The following ASTN2 variants were observed in gnomAD, a reference collection of about 807,000 sequenced individuals.
ASTN2 encodes the protein astrotactin 2.
A neutral mutation model predicts 139.8 loss-of-function variants in ASTN2; 54 were observed. That is an observed-to-expected ratio of 0.39 (90% CI 0.31 to 0.48). ASTN2 has a LOEUF of 0.48. Among genes scored for constraint, ASTN2 ranks in the 20% least tolerant of loss-of-function variants. The probability of loss-of-function intolerance (pLI) is 0.95; values close to 1 mark genes in which losing one functional copy is unlikely to be tolerated. For synonymous variants in ASTN2, 756 were observed against 719.5 expected (o/e 1.05, Z -0.81); for missense variants, 1,565 against 1,725.1 (o/e 0.91, Z 1.64).
At chr9:116,859,698 T>G (rs1276682724) in intron 11 of ASTN2, among the ~76,000 whole-genome samples, 2 of 151,954 alleles carry the variant, frequency 1.3e-5, no homozygotes, top group East Asian at 3.9e-4. Flanking sequence ...CGCCCATGAG[T>G]GTATGAAGGG....
At chr9:117,376,386 C>A (rs992009398) in intron 1 of ASTN2, among the ~76,000 whole-genome samples, 1 of 152,270 alleles carries the variant, frequency 6.6e-6, no homozygotes, top group East Asian at 1.9e-4. Context: ...ACAGATAAAC[C>A]ATTTGGCACT....
intron 4 of ASTN2, among the ~76,000 whole-genome samples, chr9:117,137,201 T>C (rs533749164): frequency 2.0e-5 from 3 of 152,192 alleles, no homozygotes; most frequent in African/African-American, 7.2e-5. Flanking sequence ...AATGATGCAC[T>C]TCAGCCTCCA....
intron 1 of ASTN2, among the ~76,000 whole-genome samples, chr9:117,395,888 G>A (rs372911837): frequency 1.3e-5 from 2 of 152,222 alleles, no homozygotes; most frequent in African/African-American, 2.4e-5. Context: ...GAAAGCTACT[G>A]CTGAACAACA....
chr9:116,965,545 T>G (rs1309368024), intron 10 of ASTN2, among the ~76,000 whole-genome samples: 1 of 152,172 alleles, frequency 6.6e-6, no homozygotes, highest in Admixed American at 6.5e-5. Flanking sequence ...AGAAAGTGGT[T>G]GTACAATAGA....
chr9:116,462,422 C>T (rs2118971376), intron 20 of ASTN2, among the ~76,000 whole-genome samples: 1 of 152,314 alleles, frequency 6.6e-6, no homozygotes, highest in East Asian at 1.9e-4. Flanking sequence ...TGCCATGCTA[C>T]ATCTCAATTC....
At chr9:117,365,313 A>AAGAG (rs1310816841) in intron 1 of ASTN2, among the ~76,000 whole-genome samples, 143 of 148,156 alleles carry the variant, frequency 9.7e-4, no homozygotes, top group East Asian at 2.8e-3. Context: ...GAAAGAAAGA[A>AAGAG]AAAGAAAGAA....
intron 10 of ASTN2, among the ~76,000 whole-genome samples, chr9:116,876,824 T>A (rs1379670248): frequency 6.6e-6 from 1 of 152,200 alleles, no homozygotes; most frequent in Non-Finnish European, 1.5e-5. Flanking sequence ...AACTATAGAG[T>A]AAAAAATAAC....
intron 4 of ASTN2, among the ~76,000 whole-genome samples, chr9:117,123,349 C>T (rs949322341): frequency 6.6e-6 from 1 of 151,996 alleles, no homozygotes; most frequent in Non-Finnish European, 1.5e-5. Flanking sequence ...AGTTAAGAGA[C>T]TGGACTTTGG....
At chr9:116,839,295 G>A (rs971579263) in intron 11 of ASTN2, among the ~76,000 whole-genome samples, 4 of 152,106 alleles carry the variant, frequency 2.6e-5, no homozygotes, top group Admixed American at 2.0e-4. Context: ...CTACAGGCAT[G>A]TGCCATCATG....
intron 2 of ASTN2, among the ~76,000 whole-genome samples, chr9:117,271,894 G>T (rs536608545): frequency 6.6e-6 from 1 of 152,190 alleles, no homozygotes; most frequent in Non-Finnish European, 1.5e-5. Flanking sequence ...GGCTGCCATT[G>T]AGTGTCTGCA....
chr9:116,776,457 C>T (rs191176926), intron 13 of ASTN2, among the ~76,000 whole-genome samples: 96 of 152,296 alleles, frequency 6.3e-4, no homozygotes, highest in Admixed American at 9.1e-4. Flanking sequence ...AACACCTGAG[C>T]AGAGAAGCCA....
At chr9:116,560,571 T>C (rs1852853401) in intron 19 of ASTN2, among the ~76,000 whole-genome samples, 1 of 152,156 alleles carries the variant, frequency 6.6e-6, no homozygotes, top group South Asian at 2.1e-4. Flanking sequence ...CAGCCTCAAG[T>C]CTTTAGCACA....
intron 1 of ASTN2, among the ~76,000 whole-genome samples, chr9:117,360,075 C>T (rs980498424): frequency 7.2e-5 from 11 of 152,050 alleles, no homozygotes; most frequent in Non-Finnish European, 4.4e-5. Context: ...GACTCTGACC[C>T]CTAGTGTGTG....
chr9:116,734,453 T>A (rs1297550268), intron 13 of ASTN2, among the ~76,000 whole-genome samples: 1 of 152,066 alleles, frequency 6.6e-6, no homozygotes, highest in Non-Finnish European at 1.5e-5. Context: ...AGCAGAAAAC[T>A]TGGCAGCCAG....
At chr9:117,145,178 G>C (rs1830166969) in intron 3 of ASTN2, among the ~76,000 whole-genome samples, 1 of 152,168 alleles carries the variant, frequency 6.6e-6, no homozygotes, top group African/African-American at 2.4e-5. Context: ...ATGCTGGGTA[G>C]ACAGTGAGTT....
intron 17 of ASTN2, among the ~76,000 whole-genome samples, chr9:116,639,065 T>C (rs803922): frequency 0.43 from 64,728 of 152,068 alleles, 14,403 homozygotes; most frequent in Admixed American, 0.52. Context: ...AACTAGAAGA[T>C]GATAGGTACA....
intron 1 of ASTN2, among the ~76,000 whole-genome samples, chr9:117,305,454 A>G (rs934054207): frequency 1.3e-5 from 2 of 152,194 alleles, no homozygotes; most frequent in African/African-American, 4.8e-5. Context: ...TCAGCTCCCC[A>G]ATATAGCACA....
chr9:117,198,032 A>C (rs1056288507), intron 3 of ASTN2, among the ~76,000 whole-genome samples: 3 of 152,116 alleles, frequency 2.0e-5, no homozygotes, highest in Admixed American at 1.3e-4. Context: ...TGCCTGAATA[A>C]AATGTGCCTA....
intron 3 of ASTN2, among the ~76,000 whole-genome samples, chr9:117,147,468 C>T (rs373295018): frequency 2.1e-3 from 324 of 151,534 alleles, no homozygotes; most frequent in African/African-American, 7.2e-3. Context: ...CACACACCCC[C>T]GTTATCCACC....
Sources: allele counts gnomAD v4.1 joint callset (sites outside exome capture counted in the v4.1 genomes callset), GRCh38; gene constraint gnomAD v4.1.1; transcripts MANE v1.5; gene names NCBI Gene and HGNC (gene_info 2026-07-23, HGNC 2026-07-21).